Variants in VPS8 observed in about 807,000 individuals in gnomAD.
The protein encoded by VPS8 is vacuolar protein sorting-associated protein 8 homolog.
A neutral mutation model predicts 216.4 loss-of-function variants in VPS8; 129 were observed. That is an observed-to-expected ratio of 0.60 (90% CI 0.52 to 0.69). The LOEUF (loss-of-function observed/expected upper bound fraction) is 0.69. Ranked by LOEUF, VPS8 falls within the 30% of genes least tolerant of loss-of-function variation. The pLI is 0.00. For synonymous variants in VPS8, 571 were observed against 565.4 expected (o/e 1.01, Z -0.14); for missense variants, 1,531 against 1,683.5 (o/e 0.91, Z 1.59).
chr3:185,049,231 A>G (rs1440702538), intron 47 of VPS8, among the ~76,000 whole-genome samples: 1 of 152,176 alleles, frequency 6.6e-6, no homozygotes, highest in Non-Finnish European at 1.5e-5. Flanking sequence ...TAACTGTGGA[A>G]GAAGAGTACA....
At chr3:185,042,470 G>T (rs538560718) in intron 46 of VPS8, among the ~76,000 whole-genome samples, 2 of 152,222 alleles carry the variant, frequency 1.3e-5, no homozygotes, top group African/African-American at 4.8e-5. Flanking sequence ...GTTTGCACAG[G>T]AGAGTGGCCC....
chr3:185,048,760 C>T (rs1337206708), intron 47 of VPS8, among the ~76,000 whole-genome samples: 4 of 152,082 alleles, frequency 2.6e-5, no homozygotes, highest in East Asian at 1.9e-4. Flanking sequence ...AAGTAGAAAG[C>T]TGTCTGTCCC....
chr3:184,905,974 A>G (rs1735419424), intron 25 of VPS8, among the ~76,000 whole-genome samples: 1 of 152,156 alleles, frequency 6.6e-6, no homozygotes, highest in South Asian at 2.1e-4. Flanking sequence ...TTAGCACAAT[A>G]TATGTATCAG....
chr3:185,013,188 C>T (rs1444417176), intron 45 of VPS8, among the ~76,000 whole-genome samples: 1 of 152,186 alleles, frequency 6.6e-6, no homozygotes, highest in African/African-American at 2.4e-5. Flanking sequence ...CCAGTGTGGG[C>T]GTCATGGCCA....
intron 8 of VPS8, among the ~76,000 whole-genome samples, chr3:184,848,507 C>T (rs1336372769): frequency 6.9e-6 from 1 of 144,476 alleles, no homozygotes; most frequent in Non-Finnish European, 1.5e-5. Flanking sequence ...GATTTTTTGG[C>T]TTATCATTAG....
chr3:185,007,357 C>G (rs1019527360), intron 45 of VPS8, among the ~76,000 whole-genome samples: 8 of 152,150 alleles, frequency 5.3e-5, no homozygotes. Context: ...TTAATACAAT[C>G]AAATAATTTA....
intron 36 of VPS8, among the ~76,000 whole-genome samples, chr3:184,946,933 G>A (rs1404918161): frequency 6.6e-6 from 1 of 152,062 alleles, no homozygotes; most frequent in African/African-American, 2.4e-5. Flanking sequence ...ATTAATGTGT[G>A]ATGTACCCAT....
intron 5 of VPS8, 133 bp from the exon 6 acceptor site, chr3:184,838,581 G>A (rs1721546412): frequency 1.5e-6 from 1 of 659,034 alleles, no homozygotes; most frequent in Non-Finnish European, 2.5e-6. Context: ...TCTGTTAGTT[G>A]GGGGCAAAAA....
chr3:185,030,902 A>C (rs897552944), intron 46 of VPS8, among the ~76,000 whole-genome samples: 2 of 151,888 alleles, frequency 1.3e-5, no homozygotes, highest in Non-Finnish European at 2.9e-5. Flanking sequence ...AATTGGGATT[A>C]TAGGCATGAG....
At chr3:184,989,125 G>A (rs1034755825) in intron 42 of VPS8, among the ~76,000 whole-genome samples, 7 of 152,200 alleles carry the variant, frequency 4.6e-5, no homozygotes, top group African/African-American at 1.7e-4. Context: ...TCTTATTGCT[G>A]TAACTAGAAC....
intron 46 of VPS8, among the ~76,000 whole-genome samples, chr3:185,039,374 C>T (rs7646347): frequency 0.097 from 14,809 of 151,894 alleles, 1,708 homozygotes; most frequent in African/African-American, 0.28. Flanking sequence ...ACAAGCAGCA[C>T]GTACCAGCAT....
intron 34 of VPS8, 116 bp from the exon 35 acceptor site, chr3:184,936,130 G>A (rs1741561747): frequency 2.5e-6 from 2 of 807,604 alleles, no homozygotes; most frequent in East Asian, 2.7e-5. Context: ...AAGGTCTGCT[G>A]AAATGCAGCA....
Position 184,997,251 on chromosome 3 carries a change from C to T in VPS8, c.3836+750C>T, listed in dbSNP as rs550064874. Among the ~76,000 whole-genome samples, 10 of 152,242 alleles carry T rather than the reference C, an allele frequency of 6.6e-5. No individual in the cohort carries two copies. In the South Asian group the frequency reaches 1.9e-3, roughly 28 times the overall value. The stretch of plus-strand genomic sequence containing the variant: ...ATGGATAGAGGTAACATGATATGGC[C>T]GTGGATCCAAACTTCCTGACTTCAA... On this transcript the variant is annotated intron_variant, in intron 44 of 47. Coordinates refer to ENST00000625842, the MANE Select transcript of VPS8 (RefSeq NM_001009921.3).
chr3:184,923,056 AAGC>A (rs1738928863), intron 29 of VPS8, among the ~76,000 whole-genome samples: 1 of 152,166 alleles, frequency 6.6e-6, no homozygotes, highest in Non-Finnish European at 1.5e-5. Flanking sequence ...ACTGGACTAA[AAGC>A]AGAAAGGGCA....
chr3:184,919,064 A>G lies in VPS8; in HGVS notation c.2383-1063A>G, dbSNP rs1474920427. ...GAATATTTTGTTTTTCTGTGCATCA[A>G]ACAGGAGAAGGAAGGGAAGGACATA... is the stretch of plus-strand genomic sequence containing the variant. On this transcript the variant is annotated intron_variant, in intron 28 of 47. Coordinates refer to ENST00000625842, the MANE Select transcript of VPS8 (RefSeq NM_001009921.3). 8 of 152,346 alleles carry G rather than the reference A, an allele frequency of 5.3e-5. No homozygotes were observed. The East Asian group carries it at 1.4e-3, about 26-fold the overall frequency. The allele number at this position is 152,346 out of a possible 1,614,324, so 9.4% of individuals were successfully genotyped here.
chr3:184,955,421 A>G (rs1745412880), intron 36 of VPS8, among the ~76,000 whole-genome samples: 2 of 152,160 alleles, frequency 1.3e-5, no homozygotes, highest in South Asian at 2.1e-4. Flanking sequence ...CTAAAAGGGA[A>G]GGGCCCCCTG....
chr3:184,998,718 G>T (rs1247497004), intron 44 of VPS8, among the ~76,000 whole-genome samples: 9 of 152,032 alleles, frequency 5.9e-5, no homozygotes, highest in Admixed American at 5.9e-4. Context: ...TGGTAATTTA[G>T]TGTAATCAAT....
At chr3:184,899,186 AT>A (rs1202847995) in intron 24 of VPS8, among the ~76,000 whole-genome samples, 1 of 152,218 alleles carries the variant, frequency 6.6e-6, no homozygotes, top group Non-Finnish European at 1.5e-5. Context: ...TCTAAAAAAC[AT>A]TTGGACTTAC....
At chr3:184,832,642 AGAGT>A (rs1720247616) in intron 3 of VPS8, 43 bp from the exon 4 acceptor site, 1 of 1,519,528 alleles carries the variant, frequency 6.6e-7, no homozygotes, top group Admixed American at 2.0e-5. Flanking sequence ...CTCATTTCAT[AGAGT>A]ATTTGGATTT....
Sources: allele counts gnomAD v4.1 joint callset (sites outside exome capture counted in the v4.1 genomes callset), GRCh38; gene constraint gnomAD v4.1.1; transcripts MANE v1.5; gene names NCBI Gene and HGNC (gene_info 2026-07-23, HGNC 2026-07-21).